The following ITPR2 variants were observed in gnomAD, a reference collection of about 807,000 sequenced individuals.
ITPR2 encodes inositol 1,4,5-trisphosphate receptor type 2, also known as inositol 1,4,5-trisphosphate-gated calcium channel ITPR2.
ITPR2 carries 207 observed loss-of-function variants against 317.1 expected under a neutral mutation model. The ratio of observed to expected loss-of-function variants is 0.65; its 90% confidence interval spans 0.58 to 0.73. The LOEUF (loss-of-function observed/expected upper bound fraction) is 0.73. Ranked by LOEUF, ITPR2 falls within the 30% of genes least tolerant of loss-of-function variation. The probability of loss-of-function intolerance (pLI) is 0.00; values close to 1 mark genes in which losing one functional copy is unlikely to be tolerated. For missense variants in ITPR2, 2,613 were observed against 3,284.0 expected (o/e 0.80, Z 4.99); for synonymous variants, 1,156 against 1,149.1 (o/e 1.01, Z -0.12).
Position 26,632,044 on chromosome 12 carries a change from C to G in ITPR2, c.2756G>C (p.Arg919Thr). The G allele has an allele frequency of 6.4e-7, 1 of 1,562,122 alleles. No individual in the cohort carries two copies. The highest frequency in any genetic ancestry group is 1.2e-5 in the South Asian group (1 of 82,090). The change falls in exon 22 of 57, where the codon AGA (arginine) becomes ACA (threonine). Residue 919 changes from arginine to threonine, a missense_variant. Transcript: ENST00000381340. ...CATCTCTCCCACCCCATGAATGGTT[C>G]TCATCACATTGTTTCCTGGCATGAG... ...KFQDGGNNVM[R>T]TIHGVGEMMT...
chr12:26,640,132 T>C (rs1294940906), intron 21 of ITPR2, among the ~76,000 whole-genome samples: 2 of 152,334 alleles, frequency 1.3e-5, no homozygotes, highest in East Asian at 3.9e-4. Flanking sequence ...AGACATCAGA[T>C]GCTGAGGCTC....
At chr12:26,342,379 GAA>G (rs1938146537) in intron 55 of ITPR2, among the ~76,000 whole-genome samples, 2 of 151,818 alleles carry the variant, frequency 1.3e-5, no homozygotes, top group Admixed American at 1.3e-4. Flanking sequence ...TTTTACAAAT[GAA>G]GAAAGTGAGG....
intron 31 of ITPR2, among the ~76,000 whole-genome samples, chr12:26,596,471 AC>A (rs1945847804): frequency 6.6e-6 from 1 of 152,012 alleles, no homozygotes; most frequent in Non-Finnish European, 1.5e-5. Context: ...ACATGGTGAA[AC>A]CCCATTTCTA....
At chr12:26,370,968 C>T (rs940238914) in intron 55 of ITPR2, among the ~76,000 whole-genome samples, 5 of 152,292 alleles carry the variant, frequency 3.3e-5, no homozygotes, top group African/African-American at 9.6e-5. Flanking sequence ...CCACTGCGTC[C>T]GGCCAAACAC....
At position 26,622,240 on chromosome 12, in the gene ITPR2, C is replaced by T; in HGVS notation, c.3288G>A (p.Gln1096=). Residue 1096 remains glutamine, a splice_region_variant and synonymous_variant, in exon 25 of 57, where the codon CAG becomes CAA. Coordinates refer to ENST00000381340, the MANE Select transcript of ITPR2 (RefSeq NM_002223.4). The part of the protein sequence containing the change: ...QRAEVLQAFK[Q]VQLLVSNQDV... The stretch of plus-strand genomic sequence containing the variant: ...TGCATTGAGGGCTCTTCAATCTTAC[C>T]TGCTTAAATGCCTGTAAAACCTCTG... 3.1e-6 allele frequency: 5 copies of T among 1,605,450 alleles called. No homozygotes were observed. Among genetic ancestry groups the T allele is most frequent in the Non-Finnish European group, 4.2e-6 (5 of 1,177,262 alleles).
At chr12:26,485,886 C>T (rs1942653744) in intron 41 of ITPR2, among the ~76,000 whole-genome samples, 1 of 152,176 alleles carries the variant, frequency 6.6e-6, no homozygotes, top group African/African-American at 2.4e-5. Context: ...AGGAGGATGA[C>T]ACTGTATGAG....
At chr12:26,550,909 TG>T (rs1281513565) in intron 36 of ITPR2, among the ~76,000 whole-genome samples, 2 of 152,044 alleles carry the variant, frequency 1.3e-5, no homozygotes, top group African/African-American at 4.8e-5. Context: ...AAAACAAAAG[TG>T]ACATCAAGAC....
At chr12:26,686,049 C>T (rs1948118433) in intron 11 of ITPR2, among the ~76,000 whole-genome samples, 1 of 152,116 alleles carries the variant, frequency 6.6e-6, no homozygotes, top group South Asian at 2.1e-4. Context: ...CTGTTGTCTT[C>T]CCAATGCCAA....
intron 54 of ITPR2, among the ~76,000 whole-genome samples, chr12:26,397,689 A>T (rs1382335262): frequency 6.6e-6 from 1 of 152,228 alleles, no homozygotes; most frequent in African/African-American, 2.4e-5. Flanking sequence ...TTGGAGAGAC[A>T]TTGAGGTGAA....
chr12:26,634,884 C>CAAAAAAAAAAAAAAAAAAAAA (rs55985706), intron 21 of ITPR2, among the ~76,000 whole-genome samples: 1 of 58,546 alleles, frequency 1.7e-5, no homozygotes, highest in Non-Finnish European at 3.0e-5. Context: ...GACTTCATCT[C>CAAAAAAAAAAAAAAAAAAAAA]AAAAAAAAAA....
intron 36 of ITPR2, among the ~76,000 whole-genome samples, chr12:26,550,699 T>C (rs201653197): frequency 7.7e-6 from 1 of 130,320 alleles, no homozygotes; most frequent in East Asian, 2.0e-4. Flanking sequence ...ATTTATATTA[T>C]ATTACATTTT....
intron 51 of ITPR2, among the ~76,000 whole-genome samples, chr12:26,413,173 C>G (rs1940606063): frequency 1.3e-5 from 2 of 152,212 alleles, no homozygotes; most frequent in Admixed American, 1.3e-4. Flanking sequence ...CTGAACATTG[C>G]TCAAGTGGCA....
chr12:26,780,771 G>C (rs1347276879), intron 2 of ITPR2, among the ~76,000 whole-genome samples: 1 of 152,190 alleles, frequency 6.6e-6, no homozygotes. Flanking sequence ...ATCACCCCTA[G>C]TGATCCACTA....
At chr12:26,411,797 C>T (rs551907265) in intron 51 of ITPR2, among the ~76,000 whole-genome samples, 246 of 152,142 alleles carry the variant, frequency 1.6e-3, no homozygotes, top group Non-Finnish European at 2.5e-3. Flanking sequence ...CTAAGCCACT[C>T]GTCCCTACAA....
At chr12:26,657,941 A>C (rs757877774) in intron 17 of ITPR2, 49 bp from the exon 18 acceptor site, 1 of 1,605,980 alleles carries the variant, frequency 6.2e-7, no homozygotes, top group Non-Finnish European at 8.5e-7. Flanking sequence ...TACACTTGTA[A>C]ATATGACAAA....
At chr12:26,773,374 C>T (rs988249950) in intron 2 of ITPR2, among the ~76,000 whole-genome samples, 13 of 152,226 alleles carry the variant, frequency 8.5e-5, no homozygotes, top group African/African-American at 3.1e-4. Flanking sequence ...ACACACAACT[C>T]ACTTCATATA....
chr12:26,544,096 C>A (rs1337336746), intron 37 of ITPR2, among the ~76,000 whole-genome samples: 3 of 151,990 alleles, frequency 2.0e-5, no homozygotes, highest in African/African-American at 7.2e-5. Flanking sequence ...ACATTTTATC[C>A]TTCCATTAAA....
rs143279148 is a variant in ITPR2, at chr12:26,497,765, C to T, written c.5074-2505G>A. On this transcript the variant is annotated intron_variant, in intron 37 of 56. Coordinates refer to ENST00000381340, the MANE Select transcript of ITPR2 (RefSeq NM_002223.4). Reference sequence around the variant, plus strand: ...TCACTCTGTTGCCCAGGCTGGAGTGCAGTGGTACAATCTCAGCTCACTGCA... The same window carrying T: ...TCACTCTGTTGCCCAGGCTGGAGTGTAGTGGTACAATCTCAGCTCACTGCA... Among the ~76,000 whole-genome samples the T allele has an allele frequency of 5.8e-3, 861 of 147,642 alleles. 12 individuals carry two copies. Among genetic ancestry groups the T allele is most frequent in the African/African-American group, 0.021 (819 of 39,838 alleles).
chr12:26,738,754 C>T (rs10743593), intron 2 of ITPR2, among the ~76,000 whole-genome samples: 121,467 of 151,984 alleles, frequency 0.8, 48,815 homozygotes, highest in East Asian at 0.98. Flanking sequence ...TTATCAATTC[C>T]CCAAACTTTT....
Sources: allele counts gnomAD v4.1 joint callset (sites outside exome capture counted in the v4.1 genomes callset), GRCh38; gene constraint gnomAD v4.1.1; transcripts MANE v1.5; gene names NCBI Gene and HGNC (gene_info 2026-07-23, HGNC 2026-07-21).